Variants in KNTC1 observed in about 807,000 individuals in gnomAD.
KNTC1 encodes the protein kinetochore-associated protein 1.
KNTC1 carries 253 observed loss-of-function variants against 314.4 expected under a neutral mutation model. That is an observed-to-expected ratio of 0.80 (90% CI 0.73 to 0.89). KNTC1 has a LOEUF of 0.89. KNTC1 is among the 40% of genes least tolerant of loss of function. The pLI is 0.00. For missense variants in KNTC1, 2,475 were observed against 2,572.9 expected (o/e 0.96, Z 0.82); for synonymous variants, 901 against 901.4 (o/e 1.00, Z 0.01).
chr12:122,600,323 G>A (rs1456157383), intron 44 of KNTC1, among the ~76,000 whole-genome samples: 2 of 151,944 alleles, frequency 1.3e-5, no homozygotes, highest in African/African-American at 4.8e-5. Context: ...GGTCTCAAAT[G>A]CCTGACCTCA....
At position 122,546,223 on chromosome 12, in the gene KNTC1, G is replaced by T. The variant is rs374749286; in HGVS notation, c.717G>T (p.Lys239Asn). The change falls in exon 9 of 64, where the codon AAG becomes AAT. Residue 239 changes from lysine to asparagine, a missense_variant. Physicochemically the swap from Lys to Asn is moderately conservative, Grantham distance 94. Coordinates refer to ENST00000333479, the MANE Select transcript of KNTC1 (RefSeq NM_014708.6). ...CAAAATGGGAACCAGATTCTTCCAAGAAAGGAATGACAGTTAAGAACCTTA... is the reference window on the plus strand; with the variant it reads ...CAAAATGGGAACCAGATTCTTCCAATAAAGGAATGACAGTTAAGAACCTTA... ...AFSKWEPDSS[K>N]KGMTVKNLID... 3.0e-5 allele frequency: 48 copies of T among 1,609,572 alleles called. No individual in the cohort carries two copies. In the African/African-American group the frequency reaches 6.0e-4, roughly 20 times the overall value.
chr12:122,578,571 C>T (rs898500501), intron 31 of KNTC1, among the ~76,000 whole-genome samples: 2 of 152,066 alleles, frequency 1.3e-5, no homozygotes, highest in African/African-American at 4.8e-5. Flanking sequence ...CAGGCGTCCG[C>T]CACCACACCT....
rs201218083 is a variant in KNTC1, at chr12:122,590,783, G to C, written c.4128+48G>C. ...TTCAATTCTTGAAGTATTCAAGATT[G>C]GGGGGGAGAAATGAAGTTGGTTTTG... is the stretch of plus-strand genomic sequence containing the variant. On this transcript the variant is annotated intron_variant, in intron 41 of 63. Coordinates refer to ENST00000333479, the MANE Select transcript of KNTC1 (RefSeq NM_014708.6). 7.1e-6 allele frequency: 11 copies of C among 1,551,778 alleles called. No individual in the cohort carries two copies. In the African/African-American group the frequency reaches 1.1e-4, roughly 15 times the overall value.
At chr12:122,573,364 G>C in intron 26 of KNTC1, 79 bp downstream of exon 26, 1 of 1,282,618 alleles carries the variant, frequency 7.8e-7, no homozygotes, top group South Asian at 1.4e-5. Context: ...ACTCTTTAAG[G>C]AATGTCATAT....
chr12:122,561,329 T>G (rs948842389), intron 18 of KNTC1, among the ~76,000 whole-genome samples: 1 of 151,684 alleles, frequency 6.6e-6, no homozygotes, highest in Non-Finnish European at 1.5e-5. Flanking sequence ...AAAAAAATAA[T>G]AATAATAATA....
Position 122,558,523 on chromosome 12 carries a change from G to C in KNTC1, c.1488+834G>C, listed in dbSNP as rs149599734. On this transcript the variant is annotated intron_variant, in intron 18 of 63. Coordinates refer to ENST00000333479, the MANE Select transcript of KNTC1 (RefSeq NM_014708.6). ...GCTGAGATCACGCCACTGCACTTCAGCCTGGCGACAGAGCAAGACTCCGTC... is the reference window on the plus strand; with the variant it reads ...GCTGAGATCACGCCACTGCACTTCACCCTGGCGACAGAGCAAGACTCCGTC... 5.4e-3 allele frequency among the ~76,000 whole-genome samples: 814 copies of C among 152,078 alleles called. 9 individuals are homozygous for C. Among genetic ancestry groups the C allele is most frequent in the African/African-American group, 0.019 (779 of 41,494 alleles).
At chr12:122,538,703 T>C (rs1962047487) in intron 4 of KNTC1, among the ~76,000 whole-genome samples, 1 of 151,904 alleles carries the variant, frequency 6.6e-6, no homozygotes, top group Non-Finnish European at 1.5e-5. Flanking sequence ...GCTCAAGGAA[T>C]CTCAAGGAAA....
intron 5 of KNTC1, among the ~76,000 whole-genome samples, chr12:122,541,174 G>A (rs1052356566): frequency 6.6e-6 from 1 of 151,522 alleles, no homozygotes; most frequent in Non-Finnish European, 1.5e-5. Flanking sequence ...GAGATAGATT[G>A]AGACCCTGTC....
Position 122,570,860 on chromosome 12 carries a change from A to G in KNTC1, c.1861-16A>G, listed in dbSNP as rs1278613386. 6.7e-7 allele frequency: 1 copy of G among 1,491,476 alleles called. No homozygotes were observed. Among genetic ancestry groups the G allele is most frequent in the South Asian group, 1.2e-5 (1 of 81,366 alleles). The allele number at this position is 1,491,476 out of a possible 1,614,324, so 92.4% of individuals were successfully genotyped here. A position where few individuals can be genotyped will look rare whatever the true frequency, so the allele number is the denominator to read the frequency against. ...ATTATCCATTAAGAATTTCATTTTT[A>G]AATAATCTATTTCAGATAATTCTTG... On this transcript the variant is annotated splice_polypyrimidine_tract_variant and intron_variant, in intron 22 of 63. Coordinates refer to ENST00000333479, the MANE Select transcript of KNTC1 (RefSeq NM_014708.6).
At chr12:122,528,797 C>G (rs77682326) in intron 1 of KNTC1, among the ~76,000 whole-genome samples, 1,579 of 152,242 alleles carry the variant, frequency 0.01, 27 homozygotes, top group African/African-American at 0.037. Flanking sequence ...CCTGTAGGTG[C>G]AATCTAGGGA....
In KNTC1 at chr12:122,615,478, T is replaced by C. The variant is rs780756120; in HGVS notation, c.5982T>C (p.Tyr1994=). 4 of 1,523,240 alleles carry C rather than the reference T, an allele frequency of 2.6e-6. No homozygotes were observed. The highest frequency in any genetic ancestry group is 1.2e-5 in the South Asian group (1 of 80,432). 94.4% of individuals were successfully genotyped at this position (1,523,240 alleles called of 1,614,324 possible). A position where few individuals can be genotyped will look rare whatever the true frequency, so the allele number is the denominator to read the frequency against. ...TTTTTAATTTTTTACAGATTCCTTA[T>C]CTAAGGAAAGTTTTAAAAGCCATCT... ...QKLLGFNMIP[Y]LRKVLKAISS... Residue 1994 remains tyrosine (Y), a synonymous_variant, in exon 57 of 64, where the codon TAT becomes TAC. Transcript: ENST00000333479.
At chr12:122,583,754 A>T (rs1272761965) in intron 34 of KNTC1, among the ~76,000 whole-genome samples, 1 of 152,026 alleles carries the variant, frequency 6.6e-6, no homozygotes, top group Non-Finnish European at 1.5e-5. Context: ...TGAACCTGGG[A>T]GGTGGAGGTT....
intron 16 of KNTC1, among the ~76,000 whole-genome samples, chr12:122,554,042 T>A (rs904873474): frequency 9.2e-5 from 13 of 141,696 alleles, no homozygotes; most frequent in African/African-American, 3.5e-4. Flanking sequence ...TATAACGGTT[T>A]TAAACATACA....
rs968385497 is a variant in KNTC1 at position 122,543,624 on chromosome 12, C to G, written c.548C>G (p.Thr183Arg). Residue 183 changes from threonine to arginine, a missense_variant, in exon 7 of 64, where the codon ACA becomes AGA. By Grantham distance (71) the Thr-to-Arg change is moderately conservative. Transcript: ENST00000333479. ...QQAIENVDFS[T>R]AKKLQGQIKS... ...GCAATTGAGAATGTAGACTTCAGTA[C>G]AGCAAAAAAGGTAAGAAAATAAATC... 18 of 1,556,202 alleles carry G rather than the reference C, an allele frequency of 1.2e-5. No individual in the cohort carries two copies. The African/African-American group carries it at 2.5e-4, about 21-fold the overall frequency.
Position 122,620,545 on chromosome 12 carries a change from G to T in KNTC1, c.6216G>T (p.Pro2072=), listed in dbSNP as rs374631079. The T allele has an allele frequency of 1.9e-6, 3 of 1,613,410 alleles. No individual in the cohort carries two copies. The highest frequency in any genetic ancestry group is 2.2e-5 in the East Asian group (1 of 44,896). Residue 2072 remains proline, a synonymous_variant, in exon 60 of 64, where the codon CCG becomes CCT. Coordinates refer to ENST00000333479, the MANE Select transcript of KNTC1 (RefSeq NM_014708.6). ...VARQYIQLEL[P]AFALACLMLM... ...GGCAGTATATCCAGTTAGAACTTCC[G>T]GCTTTTGCATTAGCTTGTCTGATGC...
intron 2 of KNTC1, among the ~76,000 whole-genome samples, chr12:122,532,991 C>G (rs1476520215): frequency 1.3e-5 from 2 of 152,074 alleles, no homozygotes; most frequent in African/African-American, 4.8e-5. Context: ...AGGAGAATGG[C>G]GTGAGCCCAG....
At chr12:122,576,160 A>G (rs994028407) in intron 29 of KNTC1, among the ~76,000 whole-genome samples, 22 of 152,144 alleles carry the variant, frequency 1.4e-4, no homozygotes, top group African/African-American at 4.8e-4. Flanking sequence ...TCTGGGTTCA[A>G]GTGATTTTCC....
intron 20 of KNTC1, among the ~76,000 whole-genome samples, chr12:122,566,758 GTT>G (rs35657504): frequency 1.1e-5 from 1 of 92,418 alleles, no homozygotes; most frequent in African/African-American, 4.4e-5. Flanking sequence ...GTCCAGGCTG[GTT>G]TTTTTTTTTT....
rs971053464 is a variant in KNTC1, at chr12:122,622,355, A to G, written c.6370-107A>G. On this transcript the variant is annotated intron_variant, in intron 61 of 63. Coordinates refer to ENST00000333479, the MANE Select transcript of KNTC1 (RefSeq NM_014708.6). ...TGCTAATTGGGCTTCCGATTGTCAG[A>G]AATGTTTTGATATTGAATAAAGGCT... The G allele has an allele frequency of 1.8e-5, 19 of 1,053,574 alleles. No homozygotes were observed. The Admixed American group carries it at 5.5e-4, about 31-fold the overall frequency. The allele number at this position is 1,053,574 out of a possible 1,614,324, so 65.3% of individuals were successfully genotyped here.
Sources: gnomAD v4.1 joint callset for allele counts (sites outside exome capture counted in the v4.1 genomes callset) on GRCh38, gnomAD v4.1.1 for gene constraint, MANE v1.5 for transcripts, NCBI Gene and HGNC (gene_info 2026-07-23, HGNC 2026-07-21) for gene names.